SNX8: variants seen among roughly 807,000 people sequenced by gnomAD.
The protein encoded by SNX8 is sorting nexin 8.
Under a neutral mutation model 51.6 loss-of-function variants are expected in SNX8, and 25 were observed. That is an observed-to-expected ratio of 0.48 (90% confidence interval 0.35 to 0.68). SNX8 has a LOEUF of 0.68. Among genes scored for constraint, SNX8 ranks in the 30% least tolerant of loss-of-function variants. The pLI is 0.00. For missense variants in SNX8, 695 were observed against 624.0 expected (o/e 1.11, Z -1.21); for synonymous variants, 324 against 277.0 (o/e 1.17, Z -1.68).
rs1439303202 is a variant in SNX8 at position 2,314,358 on chromosome 7, C to T, written c.64G>A (p.Ala22Thr). Reference sequence around the variant, plus strand: ...GCCGGGGGATCCGCCTCCTCGTCAGCCTCCGCCTCAGCTGCCGCCCCGACT... The same window carrying T: ...GCCGGGGGATCCGCCTCCTCGTCAGTCTCCGCCTCAGCTGCCGCCCCGACT... ...AAVGAAAEAE[A>T]DEEADPPASD... Residue 22 changes from alanine (A) to threonine (T), a missense_variant, in exon 1 of 11, where the codon GCT becomes ACT. Coordinates refer to ENST00000222990, the MANE Select transcript of SNX8 (RefSeq NM_013321.4). 6.5e-6 allele frequency: 8 copies of T among 1,224,294 alleles called. No individual in the cohort carries two copies. The highest frequency in any genetic ancestry group is 8.1e-6 in the Non-Finnish European group (8 of 982,762). The allele number at this position is 1,224,294 out of a possible 1,614,324, so 75.8% of individuals were successfully genotyped here.
chr7:2,326,061 T>C (rs1366064745), intron 1 of SNX8, among the ~76,000 whole-genome samples: 2 of 152,076 alleles, frequency 1.3e-5, no homozygotes. Context: ...TTGCTGCTTA[T>C]AGTAAATGTA....
At chr7:2,335,174 C>T (rs1778803883) in intron 1 of SNX8, among the ~76,000 whole-genome samples, 1 of 151,044 alleles carries the variant, frequency 6.6e-6, no homozygotes, top group Non-Finnish European at 1.5e-5. Context: ...CCAGCCTGGG[C>T]AACAGAGTGA....
intron 1 of SNX8, among the ~76,000 whole-genome samples, chr7:2,323,479 G>C (rs959276356): frequency 6.6e-6 from 1 of 152,088 alleles, no homozygotes; most frequent in Non-Finnish European, 1.5e-5. Context: ...AAATCCCAGA[G>C]GCTTAAAGTC....
upstream of SNX8, among the ~76,000 whole-genome samples, chr7:2,316,824 T>G (rs1796766207): frequency 1.3e-5 from 2 of 152,194 alleles, no homozygotes; most frequent in Non-Finnish European, 2.9e-5. Flanking sequence ...CCTGCATCTA[T>G]CCACCCACCC....
At chr7:2,301,277 C>T (rs778894227) in intron 1 of SNX8, among the ~76,000 whole-genome samples, 8 of 152,108 alleles carry the variant, frequency 5.3e-5, no homozygotes, top group African/African-American at 1.2e-4. Flanking sequence ...CATGTCCCAG[C>T]TGCAGCCCCA....
chr7:2,283,591 C>T (rs917438023), intron 1 of SNX8, among the ~76,000 whole-genome samples: 3 of 152,212 alleles, frequency 2.0e-5, no homozygotes, highest in East Asian at 1.9e-4. Flanking sequence ...CCCTGCTCTT[C>T]CACGACACAC....
rs1352866990 is a variant in SNX8 at position 2,273,890 on chromosome 7, C to T, written c.418+1222G>A. Among the ~76,000 whole-genome samples the T allele has an allele frequency of 4.0e-5, 6 of 149,120 alleles. No individual in the cohort carries two copies. In the East Asian group the frequency reaches 7.8e-4, roughly 19 times the overall value. ...CTGCACTCCAGCCTGGGCGACAGAG[C>T]GAGACTCCATGTAAAAAAAAAAAAA... On this transcript the variant is annotated intron_variant, in intron 3 of 10. Coordinates refer to ENST00000222990, the MANE Select transcript of SNX8 (RefSeq NM_013321.4).
intron 1 of SNX8, among the ~76,000 whole-genome samples, chr7:2,304,778 G>A (rs567148754): frequency 1.3e-5 from 2 of 152,246 alleles, no homozygotes; most frequent in East Asian, 3.9e-4. Context: ...ACACTCCCCA[G>A]ACTCTGAAGA....
intron 1 of SNX8, among the ~76,000 whole-genome samples, chr7:2,353,639 T>C (rs765903261): frequency 7.2e-5 from 11 of 152,014 alleles, no homozygotes; most frequent in Admixed American, 2.0e-4. Flanking sequence ...ACATTCACCA[T>C]GTTGTACCAT....
At chr7:2,301,914 A>G (rs1429113177) in intron 1 of SNX8, among the ~76,000 whole-genome samples, 1 of 152,104 alleles carries the variant, frequency 6.6e-6, no homozygotes, top group African/African-American at 2.4e-5. Flanking sequence ...ACAGACCCTA[A>G]GGAGAATGCA....
chr7:2,336,337 T>C (rs1207470056), intron 1 of SNX8, among the ~76,000 whole-genome samples: 2 of 151,712 alleles, frequency 1.3e-5, no homozygotes, highest in Non-Finnish European at 2.9e-5. Context: ...GTGGCGGAGT[T>C]TGCAGTGAGC....
chr7:2,326,069 G>C (rs1486976684), intron 1 of SNX8, among the ~76,000 whole-genome samples: 2 of 152,054 alleles, frequency 1.3e-5, no homozygotes, highest in African/African-American at 4.8e-5. Flanking sequence ...TATAGTAAAT[G>C]TAAGAGGAAA....
intron 9 of SNX8, 144 bp downstream of exon 9, chr7:2,257,221 C>T: frequency 1.7e-6 from 2 of 1,171,690 alleles, no homozygotes; most frequent in Non-Finnish European, 1.2e-6. Flanking sequence ...GCACGCGGGC[C>T]AGCTCCCTGC....
upstream of SNX8, among the ~76,000 whole-genome samples, chr7:2,315,946 T>TCATC (rs1796748262): frequency 6.6e-6 from 1 of 150,376 alleles, no homozygotes; most frequent in Admixed American, 6.6e-5. Flanking sequence ...CTGCATTCAT[T>TCATC]CATCCACTCA....
At chr7:2,324,180 C>T (rs1778587618) in intron 1 of SNX8, among the ~76,000 whole-genome samples, 1 of 151,838 alleles carries the variant, frequency 6.6e-6, no homozygotes, top group Non-Finnish European at 1.5e-5. Context: ...GGCAGTGGCT[C>T]ACGTCTGTAA....
At chr7:2,302,681 A>T (rs1796427552) in intron 1 of SNX8, among the ~76,000 whole-genome samples, 1 of 144,012 alleles carries the variant, frequency 6.9e-6, no homozygotes, top group Non-Finnish European at 1.5e-5. Context: ...GGCCGCCACC[A>T]CATCTAGGAA....
chr7:2,349,598 CCA>C (rs1198127066), intron 1 of SNX8, among the ~76,000 whole-genome samples: 4 of 151,472 alleles, frequency 2.6e-5, no homozygotes, highest in African/African-American at 9.7e-5. Flanking sequence ...GAGCACGCCC[CCA>C]CACACAACTA....
chr7:2,348,875 C>CCGGGAGG (rs1424202663), intron 1 of SNX8, among the ~76,000 whole-genome samples: 1 of 150,402 alleles, frequency 6.6e-6, no homozygotes, highest in Non-Finnish European at 1.5e-5. Context: ...TCATTTGAAC[C>CCGGGAGG]CGGGAGGCGG....
chr7:2,347,915 T>C (rs749379603), intron 1 of SNX8, among the ~76,000 whole-genome samples: 5 of 151,926 alleles, frequency 3.3e-5, no homozygotes, highest in Non-Finnish European at 7.4e-5. Context: ...GTGTTGAGAT[T>C]ACAGGCGTGA....
Sources: gnomAD v4.1 joint callset for allele counts (sites outside exome capture counted in the v4.1 genomes callset) on GRCh38, gnomAD v4.1.1 for gene constraint, MANE v1.5 for transcripts, NCBI Gene and HGNC (gene_info 2026-07-23, HGNC 2026-07-21) for gene names.